Variants in NEDD4L observed in about 807,000 individuals in gnomAD.
NEDD4L encodes the protein E3 ubiquitin-protein ligase NEDD4-like.
A neutral mutation model predicts 148.9 loss-of-function variants in NEDD4L; 54 were observed. That is an observed-to-expected ratio of 0.36 (90% CI 0.29 to 0.45). The LOEUF (loss-of-function observed/expected upper bound fraction) is 0.45. Ranked by LOEUF, NEDD4L falls within the 20% of genes least tolerant of loss-of-function variation. The probability of loss-of-function intolerance (pLI) is 1.00; values close to 1 mark genes in which losing one functional copy is unlikely to be tolerated. For missense variants in NEDD4L, 856 were observed against 1,233.8 expected (o/e 0.69, Z 4.59); for synonymous variants, 433 against 440.7 (o/e 0.98, Z 0.22).
At chr18:58,237,004 C>A (rs927306044) in intron 2 of NEDD4L, among the ~76,000 whole-genome samples, 1 of 151,842 alleles carries the variant, frequency 6.6e-6, no homozygotes, top group Non-Finnish European at 1.5e-5. Flanking sequence ...ACCTGGACAC[C>A]AATAGCGAAA....
At chr18:58,362,141 C>T (rs2145961802) in intron 19 of NEDD4L, among the ~76,000 whole-genome samples, 1 of 152,350 alleles carries the variant, frequency 6.6e-6, no homozygotes, top group Admixed American at 6.5e-5. Flanking sequence ...TCCTCAGCCC[C>T]TGCCAGGAGA....
chr18:58,179,559 C>G (rs1005274487), intron 2 of NEDD4L, among the ~76,000 whole-genome samples: 1 of 152,152 alleles, frequency 6.6e-6, no homozygotes, highest in Non-Finnish European at 1.5e-5. Context: ...AAAACTTCCT[C>G]TATTTACAGC....
Position 58,095,238 on chromosome 18 carries a change from G to A in NEDD4L, c.48+50530G>A, listed in dbSNP as rs139524081. On this transcript the variant is annotated intron_variant, in intron 1 of 30. Transcript: ENST00000400345. ...TTTATTGAGCTACACACTGTGCTTGGCACCCAGGGCCATGGAGGCAGGCAA... is the reference window on the plus strand; with the variant it reads ...TTTATTGAGCTACACACTGTGCTTGACACCCAGGGCCATGGAGGCAGGCAA... Among the ~76,000 whole-genome samples, 41 of 152,302 alleles carry A rather than the reference G, an allele frequency of 2.7e-4. No homozygotes were observed. The East Asian group carries it at 7.3e-3, about 27-fold the overall frequency.
In NEDD4L at chr18:58,324,154, T is replaced by A. The variant is rs182365606; in HGVS notation, c.513+820T>A. 3.9e-3 allele frequency among the ~76,000 whole-genome samples: 593 copies of A among 152,370 alleles called. 1 individual carries two copies. Among genetic ancestry groups the A allele is most frequent in the Non-Finnish European group, 6.4e-3 (434 of 68,030 alleles). ...GAATAATGTGGGTGATAGAAATTTATGAATGTTAACATTTCATAAGCATGT... is the reference window on the plus strand; with the variant it reads ...GAATAATGTGGGTGATAGAAATTTAAGAATGTTAACATTTCATAAGCATGT... On this transcript the variant is annotated intron_variant, in intron 8 of 30. Coordinates refer to ENST00000400345, the MANE Select transcript of NEDD4L (RefSeq NM_001144967.3).
intron 26 of NEDD4L, among the ~76,000 whole-genome samples, 195 bp downstream of exon 26, chr18:58,385,781 C>T (rs999180632): frequency 7.2e-5 from 11 of 151,976 alleles, no homozygotes; most frequent in Admixed American, 6.6e-4. Flanking sequence ...GCCACCGTGC[C>T]GCCACCTCCT....
At chr18:58,106,030 C>T (rs182794201) in intron 1 of NEDD4L, among the ~76,000 whole-genome samples, 1 of 152,350 alleles carries the variant, frequency 6.6e-6, no homozygotes, top group African/African-American at 2.4e-5. Context: ...CCGGAATGGC[C>T]ATTTGGCCCT....
chr18:58,053,808 C>A (rs1438296596), intron 1 of NEDD4L, among the ~76,000 whole-genome samples: 1 of 152,166 alleles, frequency 6.6e-6, no homozygotes. Context: ...CCAACACTGC[C>A]CTAGCTGACC....
chr18:58,189,174 G>A (rs1444280554), intron 2 of NEDD4L, among the ~76,000 whole-genome samples: 2 of 152,126 alleles, frequency 1.3e-5, no homozygotes, highest in African/African-American at 2.4e-5. Context: ...TAAAGCCCAC[G>A]TCAGGTTGTC....
chr18:58,084,996 GGTCTT>G (rs2083684601), intron 1 of NEDD4L, among the ~76,000 whole-genome samples: 2 of 152,062 alleles, frequency 1.3e-5, no homozygotes, highest in Non-Finnish European at 2.9e-5. Context: ...CGCCCAGCCT[GGTCTT>G]GTCTTTGGGC....
intron 2 of NEDD4L, among the ~76,000 whole-genome samples, chr18:58,245,190 G>A (rs78843982): frequency 6.6e-6 from 1 of 152,100 alleles, no homozygotes; most frequent in Non-Finnish European, 1.5e-5. Flanking sequence ...TTCAGACTCT[G>A]TCTTTAAAAT....
At chr18:58,066,209 T>C (rs2082582645) in intron 1 of NEDD4L, among the ~76,000 whole-genome samples, 1 of 152,162 alleles carries the variant, frequency 6.6e-6, no homozygotes, top group African/African-American at 2.4e-5. Flanking sequence ...GGTAAACCGT[T>C]TTTGGAAGCG....
At chr18:58,296,928 AG>A (rs1256167881) in intron 5 of NEDD4L, among the ~76,000 whole-genome samples, 1 of 151,766 alleles carries the variant, frequency 6.6e-6, no homozygotes, top group African/African-American at 2.4e-5. Flanking sequence ...TCTCAAAAAA[AG>A]AAAAAAAGTT....
intron 1 of NEDD4L, among the ~76,000 whole-genome samples, chr18:58,092,422 G>A (rs754148494): frequency 6.6e-6 from 1 of 152,130 alleles, no homozygotes; most frequent in Non-Finnish European, 1.5e-5. Flanking sequence ...AGCGGTTCTC[G>A]GGCACAGTAT....
At chr18:58,213,895 T>C (rs2042863952) in intron 2 of NEDD4L, among the ~76,000 whole-genome samples, 2 of 152,248 alleles carry the variant, frequency 1.3e-5, no homozygotes, top group Admixed American at 1.3e-4. Context: ...TTGGCATCAT[T>C]GGCAGTTTTT....
chr18:58,254,351 C>A lies in NEDD4L; in HGVS notation c.297+2297C>A, dbSNP rs557806892. Among the ~76,000 whole-genome samples, 163 of 152,086 alleles carry A rather than the reference C, an allele frequency of 1.1e-3. 1 individual carries two copies. The highest frequency in any genetic ancestry group is 3.9e-3 in the African/African-American group (162 of 41,480). ...CATAGAAAATAGTAAGTTTAAAATA[C>A]AGAATATTTCCAAGCTAACTACAAA... On this transcript the variant is annotated intron_variant, in intron 5 of 30. Transcript: ENST00000400345.
intron 5 of NEDD4L, among the ~76,000 whole-genome samples, chr18:58,291,631 A>G (rs374119296): frequency 6.6e-6 from 1 of 152,196 alleles, no homozygotes; most frequent in African/African-American, 2.4e-5. Context: ...ATCTTTGCCT[A>G]GGAAAGACAG....
At chr18:58,241,109 C>T (rs534568992) in intron 2 of NEDD4L, among the ~76,000 whole-genome samples, 1 of 152,332 alleles carries the variant, frequency 6.6e-6, no homozygotes, top group African/African-American at 2.4e-5. Flanking sequence ...CACACCCAGC[C>T]AGCAGCTAAC....
intron 5 of NEDD4L, among the ~76,000 whole-genome samples, chr18:58,303,608 C>T (rs566952038): frequency 4.9e-4 from 74 of 152,264 alleles, no homozygotes; most frequent in African/African-American, 1.6e-3. Flanking sequence ...CTGTTTTACC[C>T]GTTAATAAGG....
At chr18:58,151,625 A>ATATGTGTGTGTGTG (rs1555709300) in intron 1 of NEDD4L, among the ~76,000 whole-genome samples, 80 of 141,078 alleles carry the variant, frequency 5.7e-4, no homozygotes, top group African/African-American at 2.1e-3. Context: ...GTGCCTGGAT[A>ATATGTGTGTGTGTG]TGTGTGTGTG....
Sources: allele counts gnomAD v4.1 joint callset (sites outside exome capture counted in the v4.1 genomes callset), GRCh38; gene constraint gnomAD v4.1.1; transcripts MANE v1.5; gene names NCBI Gene and HGNC (gene_info 2026-07-23, HGNC 2026-07-21).